The following COBL variants were observed in gnomAD, a reference collection of about 807,000 sequenced individuals.
The protein encoded by COBL is cordon-bleu WH2 repeat protein.
Under a neutral mutation model 98.8 loss-of-function variants are expected in COBL, and 51 were observed. The ratio of observed to expected loss-of-function variants is 0.52; its 90% CI spans 0.41 to 0.65. The LOEUF is 0.65. COBL is among the 30% of genes least tolerant of loss of function. The pLI is 0.00. For missense variants in COBL, 1,617 were observed against 1,617.5 expected (o/e 1.00, Z 0.01); for synonymous variants, 634 against 651.7 (o/e 0.97, Z 0.41).
intron 1 of COBL, among the ~76,000 whole-genome samples, chr7:51,294,019 G>C (rs1465253563): frequency 6.6e-6 from 1 of 152,168 alleles, no homozygotes; most frequent in Non-Finnish European, 1.5e-5. Context: ...GGCTGGGCGA[G>C]GTGGCTCATG....
intron 4 of COBL, among the ~76,000 whole-genome samples, chr7:51,186,137 A>ACAG (rs1789479353): frequency 6.6e-6 from 1 of 152,284 alleles, no homozygotes; most frequent in Non-Finnish European, 1.5e-5. Flanking sequence ...AACAGAGCAC[A>ACAG]CAGTTAAGAC....
rs747070996 is a variant in COBL, at chr7:51,029,537, C to T, written c.1559G>A (p.Gly520Asp). ...ATCCTGTGGGCAGTGGTTGGATGCA[C>T]CATGGATGGAGCTGGTGAGGGAGCT... ...DTSSLTSSIH[G>D]ASNHCPQDAM... The change falls in exon 10 of 13, where the codon GGT (glycine) becomes GAT (aspartate). Residue 520 changes from glycine (G) to aspartate (D), a missense_variant. Around this residue, in one of 3 missense-constraint regions of COBL, gnomAD observed 1,304 missense variants for 1,282.0 expected, o/e 1.02. Transcript: ENST00000265136. The T allele has an allele frequency of 1.1e-5, 18 of 1,612,864 alleles. No homozygotes were observed. The highest frequency in any genetic ancestry group is 1.4e-5 in the Non-Finnish European group (17 of 1,179,164).
chr7:51,139,094 G>A (rs1276489704), intron 5 of COBL, among the ~76,000 whole-genome samples: 1 of 151,964 alleles, frequency 6.6e-6, no homozygotes, highest in African/African-American at 2.4e-5. Flanking sequence ...TTTTTTTGCT[G>A]TCATAAGCAT....
At chr7:51,220,545 C>T (rs1793536247) in intron 1 of COBL, among the ~76,000 whole-genome samples, 1 of 152,174 alleles carries the variant, frequency 6.6e-6, no homozygotes, top group Admixed American at 6.5e-5. Flanking sequence ...GCATAACCCC[C>T]TTTGCCTTTG....
At chr7:51,068,566 T>C (rs1407592041) in intron 7 of COBL, among the ~76,000 whole-genome samples, 1 of 152,222 alleles carries the variant, frequency 6.6e-6, no homozygotes, top group Non-Finnish European at 1.5e-5. Flanking sequence ...CACATATACA[T>C]ACACATACGC....
rs751795745 is a variant in COBL, at chr7:51,184,203, G to GA, written c.686-5dup. ...AGTGATGATTTCCTAAAGGTTTCTG[G>GA]AAAAAAAAAGCACTAAGTTATTTTT... On this transcript the variant is annotated splice_polypyrimidine_tract_variant and splice_region_variant and intron_variant, in intron 4 of 12. Coordinates refer to ENST00000265136, the MANE Select transcript of COBL (RefSeq NM_015198.5). The GA allele has an allele frequency of 1.0e-3, 1,495 of 1,449,094 alleles. No individual in the cohort carries two copies. Among genetic ancestry groups the GA allele is most frequent in the South Asian group, 1.4e-3 (102 of 73,026 alleles). The allele number at this position is 1,449,094 out of a possible 1,614,324, so 89.8% of individuals were successfully genotyped here.
intron 1 of COBL, among the ~76,000 whole-genome samples, chr7:51,259,238 G>A (rs1245021966): frequency 7.2e-6 from 1 of 138,020 alleles, no homozygotes; most frequent in Non-Finnish European, 1.5e-5. Context: ...AGTGAGCCGA[G>A]ATCACACAAC....
chr7:51,064,136 A>G (rs906800232), intron 7 of COBL, among the ~76,000 whole-genome samples: 1 of 152,200 alleles, frequency 6.6e-6, no homozygotes, highest in Non-Finnish European at 1.5e-5. Context: ...CTGACAATTG[A>G]TCAGTGCATT....
At chr7:51,073,126 C>A in intron 7 of COBL, 1 of 385,392 alleles carries the variant, frequency 2.6e-6, no homozygotes, top group Non-Finnish European at 4.6e-6. Context: ...TATTATCAAC[C>A]TAAAATTTGC....
intron 1 of COBL, among the ~76,000 whole-genome samples, chr7:51,264,523 T>C (rs189251451): frequency 1.3e-5 from 2 of 151,362 alleles, no homozygotes; most frequent in Non-Finnish European, 1.5e-5. Context: ...ATACAAAAAT[T>C]AGCCGGTCTT....
rs559191037 is a variant in COBL, at chr7:51,028,893, C to T, written c.2203G>A (p.Glu735Lys). ...TGAGGACTCACCAAGTTCCCCAGCT[C>T]GTCAATCTTAATGGCTCCGGTGGAG... ...SLSTGAIKID[E>K]LGNLVSPHAT... is the part of the protein sequence containing the mutation. The change falls in exon 10 of 13, where the codon GAG (glutamate) becomes AAG (lysine). Residue 735 changes from glutamate (E) to lysine (K), a missense_variant. Coordinates refer to ENST00000265136, the MANE Select transcript of COBL (RefSeq NM_015198.5). The T allele has an allele frequency of 2.8e-5, 45 of 1,614,190 alleles. No individual in the cohort carries two copies. Among genetic ancestry groups the T allele is most frequent in the African/African-American group, 9.3e-5 (7 of 75,052 alleles).
At chr7:51,238,842 C>T (rs978296576) in intron 1 of COBL, among the ~76,000 whole-genome samples, 1 of 152,094 alleles carries the variant, frequency 6.6e-6, no homozygotes, top group Non-Finnish European at 1.5e-5. Context: ...CCTAAATATA[C>T]CAGTCAGGAA....
rs569787381 is a variant in COBL, at chr7:51,171,160, TAA to T, written c.783+12940_783+12941del. The stretch of plus-strand genomic sequence containing the variant: ...AGCCTTAAGTATAATTGTCATTTTA[TAA>T]GTCTTAATAAGGCATTTTTTTCTTA... On this transcript the variant is annotated intron_variant, in intron 5 of 12. Transcript: ENST00000265136. 9.1e-3 allele frequency among the ~76,000 whole-genome samples: 1,383 copies of T among 152,326 alleles called. 22 individuals carry two copies. Among genetic ancestry groups the T allele is most frequent in the African/African-American group, 0.032 (1,319 of 41,582 alleles).
intron 5 of COBL, among the ~76,000 whole-genome samples, chr7:51,167,476 ATGT>A (rs1177658897): frequency 6.6e-6 from 1 of 151,908 alleles, no homozygotes; most frequent in African/African-American, 2.4e-5. Context: ...TTCCATGCTT[ATGT>A]ATTGCTAAAA....
rs180892127 is a variant in COBL, at chr7:51,187,236, G to A, written c.686-3037C>T. Among the ~76,000 whole-genome samples, 369 of 151,528 alleles carry A rather than the reference G, an allele frequency of 2.4e-3. 2 individuals are homozygous for A. The highest frequency in any genetic ancestry group is 8.5e-3 in the African/African-American group (349 of 41,240). On this transcript the variant is annotated intron_variant, in intron 4 of 12. Transcript: ENST00000265136. ...AAGGCCATAAGGAGTAAATGGAAGC[G>A]GGGGACCAGGTCAACATCTGCAAAT...
intron 1 of COBL, among the ~76,000 whole-genome samples, chr7:51,277,997 C>T (rs188330144): frequency 5.6e-4 from 85 of 152,146 alleles, no homozygotes; most frequent in Admixed American, 9.8e-4. Context: ...TCTGTGCCTG[C>T]GTGAAGTACA....
chr7:51,099,769 TAA>T (rs1300068694), intron 6 of COBL, among the ~76,000 whole-genome samples: 2 of 152,188 alleles, frequency 1.3e-5, no homozygotes, highest in Non-Finnish European at 2.9e-5. Context: ...TTATTAATAA[TAA>T]AGAGTCCTTG....
intron 1 of COBL, among the ~76,000 whole-genome samples, chr7:51,255,037 T>C (rs1054176529): frequency 1.3e-5 from 2 of 152,232 alleles, no homozygotes; most frequent in African/African-American, 2.4e-5. Flanking sequence ...TACCCAAACA[T>C]ATATTTCTGA....
At chr7:51,160,560 G>A (rs1458128506) in intron 5 of COBL, among the ~76,000 whole-genome samples, 1 of 152,196 alleles carries the variant, frequency 6.6e-6, no homozygotes, top group Non-Finnish European at 1.5e-5. Context: ...CCTTCATCGA[G>A]TGCTAGCTGT....
Sources: gnomAD v4.1 joint callset for allele counts (sites outside exome capture counted in the v4.1 genomes callset) on GRCh38, gnomAD v4.1.1 for gene constraint, gnomAD v4.1.1 regional missense constraint, MANE v1.5 for transcripts, NCBI Gene and HGNC (gene_info 2026-07-23, HGNC 2026-07-21) for gene names.